AOPEP: variants seen among roughly 807,000 people sequenced by gnomAD.
AOPEP encodes aminopeptidase O (putative).
A neutral mutation model predicts 98.1 loss-of-function variants in AOPEP; 77 were observed. That is an observed-to-expected ratio of 0.78 (90% CI 0.65 to 0.95). The LOEUF is 0.95. AOPEP is among the 40% of genes least tolerant of loss of function. The pLI is 0.00. For synonymous variants in AOPEP, 346 were observed against 365.3 expected (o/e 0.95, Z 0.60); for missense variants, 1,024 against 1,024.7 (o/e 1.00, Z 0.01).
intron 3 of AOPEP, among the ~76,000 whole-genome samples, chr9:94,785,796 C>T (rs947797895): frequency 1.6e-4 from 24 of 152,298 alleles, no homozygotes; most frequent in African/African-American, 5.3e-4. Flanking sequence ...TGGATTGAAT[C>T]AAAAGGAAAA....
At chr9:95,115,000 G>A in the AOPEP span, among the ~76,000 whole-genome samples, 2 of 152,178 alleles carry the variant, frequency 1.3e-5, no homozygotes, top group Non-Finnish European at 2.9e-5. Context: ...GAGTGCAGTG[G>A]TACGATCCTG....
intron 5 of AOPEP, among the ~76,000 whole-genome samples, chr9:94,922,061 C>T (rs1476528296): frequency 6.6e-6 from 1 of 152,006 alleles, no homozygotes; most frequent in African/African-American, 2.4e-5. Flanking sequence ...AAGTGTGGTG[C>T]AGACAACAAG....
chr9:94,915,229 C>T (rs990319508), intron 5 of AOPEP, among the ~76,000 whole-genome samples: 2 of 152,182 alleles, frequency 1.3e-5, no homozygotes, highest in African/African-American at 4.8e-5. Flanking sequence ...ACATAAAATA[C>T]TTAGAACTTT....
chr9:94,958,515 C>T (rs1225516180), intron 9 of AOPEP, among the ~76,000 whole-genome samples: 2 of 152,204 alleles, frequency 1.3e-5, no homozygotes, highest in African/African-American at 4.8e-5. Context: ...CAGAAATGCA[C>T]AAGGCTTCCA....
At chr9:94,839,380 C>G (rs939312676) in intron 5 of AOPEP, among the ~76,000 whole-genome samples, 2 of 152,050 alleles carry the variant, frequency 1.3e-5, no homozygotes, top group South Asian at 4.2e-4. Flanking sequence ...TGAGCCAACC[C>G]GCCCAGCCTA....
intron 13 of AOPEP, among the ~76,000 whole-genome samples, chr9:95,051,319 AC>A (rs1301896837): frequency 1.3e-5 from 2 of 151,380 alleles, no homozygotes; most frequent in African/African-American, 2.4e-5. Flanking sequence ...CGATCTCTTG[AC>A]CTTGTGATCT....
chr9:95,148,905 C>T, the AOPEP span, among the ~76,000 whole-genome samples: 1 of 152,226 alleles, frequency 6.6e-6, no homozygotes, highest in Non-Finnish European at 1.5e-5. Context: ...GCAATGGCTA[C>T]TAGAATATTC....
the AOPEP span, chr9:95,100,945 CAGG>C: frequency 2.6e-5 from 6 of 233,134 alleles, no homozygotes; most frequent in African/African-American, 1.3e-4. Context: ...AATTCTTTAT[CAGG>C]AATTTCCAAT....
At chr9:94,921,683 T>C (rs1198599526) in intron 5 of AOPEP, among the ~76,000 whole-genome samples, 1 of 152,162 alleles carries the variant, frequency 6.6e-6, no homozygotes, top group East Asian at 1.9e-4. Context: ...GCCTTTTCCT[T>C]CATAGGGAAA....
Position 94,980,090 on chromosome 9 carries a change from C to A in AOPEP, c.1977+663C>A, listed in dbSNP as rs2138700917. Among the ~76,000 whole-genome samples the A allele has an allele frequency of 6.6e-6, 1 of 152,354 alleles. No homozygotes were observed. Among genetic ancestry groups the A allele is most frequent in the East Asian group, 1.9e-4 (1 of 5,186 alleles). ...AAGGGAGAAACCTTTTCCTGGCCAGCCCTAGCTCTGTGGAAATCACCTGGC... is the reference window on the plus strand; with the variant it reads ...AAGGGAGAAACCTTTTCCTGGCCAGACCTAGCTCTGTGGAAATCACCTGGC... On this transcript the variant is annotated intron_variant, in intron 11 of 16. Transcript: ENST00000375315. This position sits in a 1 kb window ranked among gnomAD's most constrained non-coding sequence, Gnocchi z 4.3.
intron 15 of AOPEP, among the ~76,000 whole-genome samples, chr9:95,082,187 T>G (rs1341394745): frequency 2.0e-5 from 3 of 152,140 alleles, no homozygotes; most frequent in African/African-American, 7.2e-5. Context: ...GGACACACTT[T>G]GCGGGGCAGG....
chr9:95,035,956 A>G (rs2133455198), intron 13 of AOPEP, among the ~76,000 whole-genome samples: 1 of 152,238 alleles, frequency 6.6e-6, no homozygotes, highest in South Asian at 2.1e-4. Flanking sequence ...TGCTTTACCC[A>G]GAAAATAGGT....
intron 11 of AOPEP, among the ~76,000 whole-genome samples, chr9:94,981,122 C>T (rs891144415): frequency 6.6e-5 from 10 of 152,178 alleles, no homozygotes; most frequent in Non-Finnish European, 1.0e-4. Context: ...CAGAAGCAGG[C>T]GCACTCCACT....
chr9:94,779,515 A>G (rs1391740071), intron 3 of AOPEP, among the ~76,000 whole-genome samples: 1 of 152,198 alleles, frequency 6.6e-6, no homozygotes, highest in Non-Finnish European at 1.5e-5. Context: ...TATTAGAATG[A>G]CATTTCAAAA....
chr9:94,820,457 T>C (rs1354774154), intron 5 of AOPEP, among the ~76,000 whole-genome samples: 1 of 152,232 alleles, frequency 6.6e-6, no homozygotes, highest in Non-Finnish European at 1.5e-5. Context: ...TCAATTATCA[T>C]TATCCCCTAG....
chr9:94,854,234 CTG>C (rs1254729501), intron 5 of AOPEP, among the ~76,000 whole-genome samples: 1 of 152,014 alleles, frequency 6.6e-6, no homozygotes, highest in Non-Finnish European at 1.5e-5. Context: ...CCTGCTGACA[CTG>C]TAGTTGAAAG....
chr9:94,924,025 A>G lies in AOPEP; in HGVS notation c.1404A>G (p.Gly468=), dbSNP rs1031718395. Residue 468 remains glycine (G), a synonymous_variant, in exon 6 of 17, where the codon GGA becomes GGG. Transcript: ENST00000375315. ...TCCTCTCTCAGAGCATCTTGACAGGAGGGAACCATCTCTGTGGGACCCGCC... is the reference window on the plus strand; with the variant it reads ...TCCTCTCTCAGAGCATCTTGACAGGGGGGAACCATCTCTGTGGGACCCGCC... The part of the protein sequence containing the change: ...IMFLSQSILT[G]GNHLCGTRLC... The G allele has an allele frequency of 1.3e-6, 2 of 1,497,364 alleles. No individual in the cohort carries two copies. Among genetic ancestry groups the G allele is most frequent in the Admixed American group, 2.3e-5 (1 of 44,026 alleles). 92.8% of individuals were successfully genotyped at this position (1,497,364 alleles called of 1,614,324 possible). A position where few individuals can be genotyped will look rare whatever the true frequency, so the allele number is the denominator to read the frequency against.
chr9:94,749,748 G>A (rs1158971987), intron 1 of AOPEP, among the ~76,000 whole-genome samples: 3 of 152,036 alleles, frequency 2.0e-5, no homozygotes, highest in African/African-American at 7.2e-5. Context: ...TCTTTGCTGA[G>A]TTTTCCTTTT....
At chr9:95,072,187 T>A (rs2068582042) in intron 14 of AOPEP, among the ~76,000 whole-genome samples, 1 of 152,216 alleles carries the variant, frequency 6.6e-6, no homozygotes, top group African/African-American at 2.4e-5. Context: ...TGCCTGTTCT[T>A]GTAAATAACG....
Sources: gnomAD v4.1 joint callset for allele counts (sites outside exome capture counted in the v4.1 genomes callset) on GRCh38, gnomAD v4.1.1 for gene constraint, Gnocchi (gnomAD v3.1) non-coding constraint, MANE v1.5 for transcripts, NCBI Gene and HGNC (gene_info 2026-07-23, HGNC 2026-07-21) for gene names.